The following ZEB1 variants were observed in gnomAD, a reference collection of about 807,000 sequenced individuals.
ZEB1 encodes zinc finger E-box-binding homeobox 1.
ZEB1 carries 21 observed loss-of-function variants against 84.9 expected under a neutral mutation model. The observed-to-expected ratio is 0.25, with a 90% CI of 0.18 to 0.36. The LOEUF (loss-of-function observed/expected upper bound fraction) is 0.36, where lower values mean the gene tolerates loss of function less well. ZEB1 is among the 10% of genes least tolerant of loss of function. The probability of loss-of-function intolerance (pLI) is 1.00; values close to 1 mark genes in which losing one functional copy is unlikely to be tolerated. For missense variants in ZEB1, 1,104 were observed against 1,330.2 expected (o/e 0.83, Z 2.65); for synonymous variants, 420 against 471.1 (o/e 0.89, Z 1.41).
At chr10:31,518,085 A>G (rs2071506469) in intron 6 of ZEB1, among the ~76,000 whole-genome samples, 1 of 152,198 alleles carries the variant, frequency 6.6e-6, no homozygotes, top group South Asian at 2.1e-4. Flanking sequence ...GAAGGAAAAT[A>G]AGCATGTAGT....
chr10:31,424,305 A>C (rs933041412), intron 1 of ZEB1, among the ~76,000 whole-genome samples: 1 of 151,962 alleles, frequency 6.6e-6, no homozygotes, highest in African/African-American at 2.4e-5. Flanking sequence ...AGATCAACAA[A>C]TTGATTATTA....
intron 1 of ZEB1, among the ~76,000 whole-genome samples, chr10:31,441,080 A>G (rs2058904297): frequency 6.6e-6 from 1 of 152,184 alleles, no homozygotes; most frequent in Non-Finnish European, 1.5e-5. Flanking sequence ...TGGAACCAAA[A>G]AAGAGCCCAC....
intron 1 of ZEB1, among the ~76,000 whole-genome samples, chr10:31,414,764 A>G (rs747912325): frequency 6.4e-4 from 98 of 152,224 alleles, no homozygotes; most frequent in Admixed American, 3.9e-3. Flanking sequence ...TAAACCCTTT[A>G]CCTGTCATAA....
intron 1 of ZEB1, among the ~76,000 whole-genome samples, chr10:31,383,240 T>C (rs1228833480): frequency 2.0e-5 from 3 of 152,132 alleles, no homozygotes; most frequent in Non-Finnish European, 4.4e-5. Context: ...GATTGCACTA[T>C]CCAATATGTA....
intron 1 of ZEB1, chr10:31,361,002 G>T (rs868286176): frequency 2.5e-6 from 4 of 1,607,812 alleles, no homozygotes; most frequent in Non-Finnish European, 3.4e-6. Context: ...TGGTACAGGC[G>T]CTTTACAAGG....
intron 1 of ZEB1, among the ~76,000 whole-genome samples, chr10:31,391,588 A>G (rs2049748922): frequency 6.6e-6 from 1 of 152,196 alleles, no homozygotes; most frequent in African/African-American, 2.4e-5. Context: ...ACACATCTAT[A>G]TAAGTAAGAT....
intron 1 of ZEB1, among the ~76,000 whole-genome samples, chr10:31,427,624 C>A (rs561800308): frequency 6.6e-6 from 1 of 152,038 alleles, no homozygotes; most frequent in African/African-American, 2.4e-5. Context: ...GAGGCCAAGG[C>A]GGGTGGATCA....
rs964683912 is a variant in ZEB1 at position 31,321,107 on chromosome 10, C to A, written c.58+1815C>A. The A allele has an allele frequency of 4.9e-6, 5 of 1,017,436 alleles. No individual in the cohort carries two copies. The African/African-American group carries it at 8.6e-5, about 18-fold the overall frequency. 63.0% of individuals were successfully genotyped at this position (1,017,436 alleles called of 1,614,324 possible). A position where few individuals can be genotyped will look rare whatever the true frequency, so the allele number is the denominator to read the frequency against. On this transcript the variant is annotated intron_variant, in intron 1 of 8. Transcript: ENST00000424869. ...AGGAGAAAACTCTCTCGTGCTCCCC[C>A]AGCCCCACCCCCCGCGCCTGGGCTC...
At chr10:31,363,651 T>C (rs186093081) in intron 1 of ZEB1, 2 of 1,455,814 alleles carry the variant, frequency 1.4e-6, no homozygotes, top group Admixed American at 2.0e-5. Flanking sequence ...ATGAAGGAAG[T>C]TGAAGGTTAA....
chr10:31,348,426 T>C (rs2040708341), intron 1 of ZEB1, among the ~76,000 whole-genome samples: 1 of 151,920 alleles, frequency 6.6e-6, no homozygotes. Context: ...TAGCCGGGTG[T>C]GGTGGCGGGC....
At chr10:31,506,644 T>C (rs1371770912) in intron 4 of ZEB1, among the ~76,000 whole-genome samples, 1 of 152,122 alleles carries the variant, frequency 6.6e-6, no homozygotes, top group Non-Finnish European at 1.5e-5. Flanking sequence ...TTTCAGTCTA[T>C]ATGGATCTTT....
At chr10:31,448,389 G>T (rs1488240710) in intron 1 of ZEB1, among the ~76,000 whole-genome samples, 5 of 129,782 alleles carry the variant, frequency 3.9e-5, no homozygotes, top group Admixed American at 7.5e-5. Flanking sequence ...TAATTTGATC[G>T]TCTGAAGCCT....
chr10:31,446,812 T>C (rs1238923769), intron 1 of ZEB1, among the ~76,000 whole-genome samples: 1 of 150,960 alleles, frequency 6.6e-6, no homozygotes, highest in East Asian at 1.9e-4. Context: ...TTACATTTGC[T>C]GAGGAGAGCT....
intron 1 of ZEB1, among the ~76,000 whole-genome samples, chr10:31,416,853 A>G (rs1201686754): frequency 1.3e-5 from 2 of 152,126 alleles, no homozygotes; most frequent in Non-Finnish European, 2.9e-5. Context: ...TATTGGTAGC[A>G]TTGCTCTGAT....
At chr10:31,382,111 A>T (rs1216284235) in intron 1 of ZEB1, among the ~76,000 whole-genome samples, 1 of 151,096 alleles carries the variant, frequency 6.6e-6, no homozygotes, top group Non-Finnish European at 1.5e-5. Context: ...CGTGACTTAC[A>T]CAAATCCCTG....
At position 31,478,425 on chromosome 10, in the gene ZEB1, G is replaced by A. The variant is rs1412615801; in HGVS notation, c.259+17188G>A. Among the ~76,000 whole-genome samples the A allele has an allele frequency of 2.0e-5, 3 of 151,816 alleles. 1 individual carries two copies. The highest frequency in any genetic ancestry group is 2.0e-4 in the Admixed American group (3 of 15,218). The stretch of plus-strand genomic sequence containing the variant: ...GGTGGGAATGCAAATTAGTACAACC[G>A]CTATGGAAAACAGTTTGGAGATTCC... On this transcript the variant is annotated intron_variant, in intron 2 of 8. Coordinates refer to ENST00000424869, the MANE Select transcript of ZEB1 (RefSeq NM_001174096.2).
At chr10:31,403,017 A>G (rs1309324321) in intron 1 of ZEB1, among the ~76,000 whole-genome samples, 1 of 152,138 alleles carries the variant, frequency 6.6e-6, no homozygotes, top group Non-Finnish European at 1.5e-5. Context: ...CAAATATAAT[A>G]ATGTTATAGA....
At chr10:31,368,536 T>C (rs2045033852) in intron 1 of ZEB1, among the ~76,000 whole-genome samples, 1 of 152,182 alleles carries the variant, frequency 6.6e-6, no homozygotes, top group Admixed American at 6.5e-5. Flanking sequence ...ATAGCTATTA[T>C]ATTGATTTTT....
rs372597335 is a variant in ZEB1, at chr10:31,521,530, T to G, written c.2198T>G (p.Val733Gly). Residue 733 changes from valine to glycine, a missense_variant, in exon 7 of 9, where the codon GTA becomes GGA. Physicochemically the swap from Val to Gly is moderately radical, Grantham distance 109. Coordinates refer to ENST00000424869, the MANE Select transcript of ZEB1 (RefSeq NM_001174096.2). ...TAEGAQEEPQ[V>G]EPLDLSLPKQ... ...GAGGGTGCACAAGAAGAGCCACAAGTAGAACCTCTTGATCTTTCACTACCA... is the reference window on the plus strand; with the variant it reads ...GAGGGTGCACAAGAAGAGCCACAAGGAGAACCTCTTGATCTTTCACTACCA... The G allele has an allele frequency of 3.7e-6, 6 of 1,613,934 alleles. No homozygotes were observed. The African/African-American group carries it at 8.0e-5, about 22-fold the overall frequency.
Sources: allele counts gnomAD v4.1 joint callset (sites outside exome capture counted in the v4.1 genomes callset), GRCh38; gene constraint gnomAD v4.1.1; transcripts MANE v1.5; gene names NCBI Gene and HGNC (gene_info 2026-07-23, HGNC 2026-07-21).